Variants in GALR1 observed in about 807,000 individuals in gnomAD.
The protein encoded by GALR1 is galanin receptor 1, also known as galanin receptor type 1.
A neutral mutation model predicts 17.9 loss-of-function variants in GALR1; 11 were observed. The observed-to-expected ratio is 0.62, with a 90% CI of 0.39 to 1.02. The LOEUF (loss-of-function observed/expected upper bound fraction) is 1.02, where lower values mean the gene tolerates loss of function less well. Ranked by LOEUF, GALR1 falls within the 50% of genes least tolerant of loss-of-function variation. GALR1 has a pLI of 0.01. For missense variants in GALR1, 441 were observed against 456.9 expected (o/e 0.97, Z 0.32); for synonymous variants, 206 against 205.7 (o/e 1.00, Z -0.01).
Position 77,271,670 on chromosome 18 carries a change from G to A in GALR1, c.*2768G>A, listed in dbSNP as rs1167359538. Reference sequence around the variant, plus strand: ...GAGAAATATTGCTTATACCTTTGAAGTCAGGCTGCTTGAAACTCACATTTT... The same window carrying A: ...GAGAAATATTGCTTATACCTTTGAAATCAGGCTGCTTGAAACTCACATTTT... On this transcript the variant is annotated 3_prime_UTR_variant, in exon 3 of 3. Transcript: ENST00000299727. 1 of 152,194 alleles carries A rather than the reference G, an allele frequency of 6.6e-6. No individual in the cohort carries two copies. 9.4% of individuals were successfully genotyped at this position (152,194 alleles called of 1,614,324 possible).
intron 2 of GALR1, among the ~76,000 whole-genome samples, chr18:77,256,523 A>ACAGTG (rs1568140573): frequency 6.6e-6 from 1 of 150,820 alleles, no homozygotes; most frequent in East Asian, 1.9e-4. Flanking sequence ...GTTGACTGAG[A>ACAGTG]CAGAGTGCAG....
chr18:77,256,320 A>G (rs1912587427), intron 2 of GALR1, 97 bp downstream of exon 2: 2 of 696,864 alleles, frequency 2.9e-6, no homozygotes, highest in Admixed American at 4.8e-5. Context: ...AGCCTGTAAC[A>G]TTTAGGACCC....
rs137866539 is a variant in GALR1, at chr18:77,264,815, T to C, written c.733-3770T>C. On this transcript the variant is annotated intron_variant, in intron 2 of 2. Transcript: ENST00000299727. The stretch of plus-strand genomic sequence containing the variant: ...AAAGCCCCTATAAAACCATCAGATC[T>C]CATGAGAACTCATTCGCTATCATGA... Among the ~76,000 whole-genome samples the C allele has an allele frequency of 4.0e-3, 602 of 152,234 alleles. 3 individuals carry two copies. The highest frequency in any genetic ancestry group is 0.013 in the African/African-American group (543 of 41,526).
In GALR1 at chr18:77,272,063, C is replaced by G. The variant is rs1913076671; in HGVS notation, c.*3161C>G. 1 of 152,186 alleles carries G rather than the reference C, an allele frequency of 6.6e-6. No homozygotes were observed. The highest frequency in any genetic ancestry group is 6.5e-5 in the Admixed American group (1 of 15,278). 9.4% of individuals were successfully genotyped at this position (152,186 alleles called of 1,614,324 possible). Reference sequence around the variant, plus strand: ...TTATTTTACACATTGGGAGTAAAACCATTTCCGCCCCATCCCAATCTCTTG... The same window carrying G: ...TTATTTTACACATTGGGAGTAAAACGATTTCCGCCCCATCCCAATCTCTTG... On this transcript the variant is annotated 3_prime_UTR_variant, in exon 3 of 3. Transcript: ENST00000299727.
intron 2 of GALR1, among the ~76,000 whole-genome samples, chr18:77,258,516 A>G (rs1318642470): frequency 3.5e-5 from 4 of 113,252 alleles, no homozygotes; most frequent in East Asian, 5.7e-4. Flanking sequence ...GATGATGGTG[A>G]TCATTGTGGT....
intron 1 of GALR1, among the ~76,000 whole-genome samples, chr18:77,252,911 C>T (rs866775109): frequency 0.023 from 1,045 of 44,556 alleles, 42 homozygotes; most frequent in African/African-American, 0.068. Flanking sequence ...ACCACCACCA[C>T]CACCACCACC....
intron 1 of GALR1, chr18:77,253,961 T>A (rs1912527971): frequency 6.6e-6 from 1 of 152,186 alleles, no homozygotes; most frequent in South Asian, 2.1e-4. Context: ...TGAAGAGCCC[T>A]CCCCTCTGCT....
rs1375798378 is a variant in GALR1 at position 77,268,797 on chromosome 18, A to G, written c.945A>G (p.Lys315=). The change falls in exon 3 of 3, where the codon AAA becomes AAG. Residue 315 remains lysine (K), a synonymous_variant. Transcript: ENST00000299727. Reference sequence around the variant, plus strand: ...CTGAAAATTTCAGGAAGGCCTATAAACAAGTGTTCAAGTGTCACATTCGCA... The same window carrying G: ...CTGAAAATTTCAGGAAGGCCTATAAGCAAGTGTTCAAGTGTCACATTCGCA... The part of the protein sequence containing the change: ...FLSENFRKAY[K]QVFKCHIRKD... The G allele has an allele frequency of 6.2e-7, 1 of 1,613,956 alleles. No individual in the cohort carries two copies. The highest frequency in any genetic ancestry group is 8.5e-7 in the Non-Finnish European group (1 of 1,179,924).
rs1353074126 is a variant in GALR1, at chr18:77,259,082, C to T, written c.732+2859C>T. On this transcript the variant is annotated intron_variant, in intron 2 of 2. Coordinates refer to ENST00000299727, the MANE Select transcript of GALR1 (RefSeq NM_001480.4). Reference sequence around the variant, plus strand: ...ATGGTGGTCATGGTGGTCATGGTGGCGATTGTGGTGATGGTGGTGGATGGT... The same window carrying T: ...ATGGTGGTCATGGTGGTCATGGTGGTGATTGTGGTGATGGTGGTGGATGGT... Among the ~76,000 whole-genome samples, 16 of 2,310 alleles carry T rather than the reference C, an allele frequency of 6.9e-3. 7 individuals are homozygous for T. Among genetic ancestry groups the T allele is most frequent in the African/African-American group, 8.2e-3 (16 of 1,954 alleles). The allele number at this position is 2,310 out of a possible 152,430, so 1.5% of individuals were successfully genotyped here.
At chr18:77,259,483 ATGG>A (rs1912773632) in intron 2 of GALR1, among the ~76,000 whole-genome samples, 1 of 104,542 alleles carries the variant, frequency 9.6e-6, no homozygotes, top group Non-Finnish European at 2.0e-5. Context: ...GGCGATTGTG[ATGG>A]TGATGGTGGT....
Position 77,250,813 on chromosome 18 carries a change from A to G in GALR1, c.265A>G (p.Ile89Val), listed in dbSNP as rs761116963. Residue 89 changes from isoleucine to valine, a missense_variant, in exon 1 of 3, where the codon ATC becomes GTC. By Grantham distance (29) the Ile-to-Val change is conservative. Transcript: ENST00000299727. ...IADLAYLLFC[I>V]PFQATVYALP... ...CGACCTGGCCTACCTGCTCTTCTGC[A>G]TCCCCTTCCAGGCCACCGTGTACGC... The G allele has an allele frequency of 1.2e-6, 2 of 1,613,908 alleles. No individual in the cohort carries two copies. The highest frequency in any genetic ancestry group is 2.2e-5 in the South Asian group (2 of 91,088).
In GALR1 at chr18:77,256,236, AATAT is replaced by A; in HGVS notation, c.732+24_732+27del. 1.1e-5 allele frequency: 14 copies of A among 1,319,928 alleles called. No homozygotes were observed. The highest frequency in any genetic ancestry group is 1.4e-5 in the Non-Finnish European group (13 of 920,266). 81.8% of individuals were successfully genotyped at this position (1,319,928 alleles called of 1,614,324 possible). A position where few individuals can be genotyped will look rare whatever the true frequency, so the allele number is the denominator to read the frequency against. On this transcript the variant is annotated intron_variant, in intron 2 of 2. Transcript: ENST00000299727. ...ATCCAAGAAAAAGGTAATGATCACA[AATAT>A]ATATATATATGTTACTTTTCAGAGC... is the stretch of plus-strand genomic sequence containing the variant.
At chr18:77,265,690 T>C (rs1912930825) in intron 2 of GALR1, among the ~76,000 whole-genome samples, 1 of 152,104 alleles carries the variant, frequency 6.6e-6, no homozygotes, top group South Asian at 2.1e-4. Flanking sequence ...TAGATGGAGG[T>C]TCCCCAACCT....
In GALR1 at chr18:77,251,102, C is replaced by A. The variant is rs1484266368; in HGVS notation, c.554C>A (p.Thr185Asn). Residue 185 changes from threonine (T) to asparagine (N), a missense_variant, in exon 1 of 3, where the codon ACC (threonine) becomes AAC (asparagine). Physicochemically the swap from Thr to Asn is moderately conservative, Grantham distance 65 (BLOSUM62 0). Transcript: ENST00000299727. ...GLFHPRASNQ[T>N]FCWEQWPDPR... ...TTCCACCCGCGCGCCAGCAACCAGA[C>A]CTTCTGCTGGGAGCAGTGGCCCGAC... 17 of 1,612,348 alleles carry A rather than the reference C, an allele frequency of 1.1e-5. No individual in the cohort carries two copies. Among genetic ancestry groups the A allele is most frequent in the Admixed American group, 1.7e-5 (1 of 60,014 alleles).
intron 2 of GALR1, among the ~76,000 whole-genome samples, chr18:77,258,862 G>A (rs1163120143): frequency 4.2e-5 from 6 of 142,236 alleles, no homozygotes; most frequent in East Asian, 4.3e-4. Flanking sequence ...TGATGGTGGT[G>A]GTGATGGTGG....
At chr18:77,261,966 C>T (rs1217758449) in intron 2 of GALR1, among the ~76,000 whole-genome samples, 3 of 152,080 alleles carry the variant, frequency 2.0e-5, no homozygotes, top group South Asian at 4.2e-4. Context: ...TGGGACTACA[C>T]GTGCACACTG....
rs945547667 is a variant in GALR1, at chr18:77,271,096, T to A, written c.*2194T>A. On this transcript the variant is annotated 3_prime_UTR_variant, in exon 3 of 3. Transcript: ENST00000299727. ...TTTCTCCTTCTGATCTGTAAGCATA[T>A]AAATGGAAGTATTTAAAAAAATACT... 6.6e-6 allele frequency: 1 copy of A among 152,186 alleles called. No individual in the cohort carries two copies. The highest frequency in any genetic ancestry group is 1.5e-5 in the Non-Finnish European group (1 of 68,030). The allele number at this position is 152,186 out of a possible 1,614,324, so 9.4% of individuals were successfully genotyped here. A position where few individuals can be genotyped will look rare whatever the true frequency, so the allele number is the denominator to read the frequency against.
chr18:77,276,936 A>G lies in GALR1; in HGVS notation c.*8034A>G, dbSNP rs1356933838. 1 of 152,208 alleles carries G rather than the reference A, an allele frequency of 6.6e-6. No individual in the cohort carries two copies. The highest frequency in any genetic ancestry group is 1.5e-5 in the Non-Finnish European group (1 of 68,036). 9.4% of individuals were successfully genotyped at this position (152,208 alleles called of 1,614,324 possible). On this transcript the variant is annotated 3_prime_UTR_variant, in exon 3 of 3. Coordinates refer to ENST00000299727, the MANE Select transcript of GALR1 (RefSeq NM_001480.4). ...ATTTTTGCCTCAAAAAAATAAAATA[A>G]AATAGCTTGGTGGAAAAGAGCACCT...
In GALR1 at chr18:77,277,362, G is replaced by A. The variant is rs1396191913; in HGVS notation, c.*8460G>A. The A allele has an allele frequency of 6.6e-6, 1 of 152,096 alleles. No individual in the cohort carries two copies. The highest frequency in any genetic ancestry group is 1.5e-5 in the Non-Finnish European group (1 of 68,030). 9.4% of individuals were successfully genotyped at this position (152,096 alleles called of 1,614,324 possible). A position where few individuals can be genotyped will look rare whatever the true frequency, so the allele number is the denominator to read the frequency against. On this transcript the variant is annotated 3_prime_UTR_variant, in exon 3 of 3. Coordinates refer to ENST00000299727, the MANE Select transcript of GALR1 (RefSeq NM_001480.4). Reference sequence around the variant, plus strand: ...CCGGTTTCTCTCATACTGTTCTTGCGATAGTGAGTTCTCAGGAGATCTGAT... The same window carrying A: ...CCGGTTTCTCTCATACTGTTCTTGCAATAGTGAGTTCTCAGGAGATCTGAT...
Sources: allele counts gnomAD v4.1 joint callset (sites outside exome capture counted in the v4.1 genomes callset), GRCh38; gene constraint gnomAD v4.1.1; transcripts MANE v1.5; gene names NCBI Gene and HGNC (gene_info 2026-07-23, HGNC 2026-07-21).